SPAG16: variants seen among roughly 807,000 people sequenced by gnomAD.
SPAG16 encodes the protein sperm-associated antigen 16 protein.
SPAG16 carries 86 observed loss-of-function variants against 80.4 expected under a neutral mutation model. The ratio of observed to expected loss-of-function variants is 1.07; its 90% CI spans 0.90 to 1.28. SPAG16 has a LOEUF of 1.28. Among genes scored for constraint, SPAG16 ranks in the 50% most tolerant of loss-of-function variants. The pLI is 0.00. For synonymous variants in SPAG16, 294 were observed against 265.9 expected (o/e 1.11, Z -1.03); for missense variants, 870 against 765.3 (o/e 1.14, Z -1.61).
At chr2:214,079,658 G>A (rs538326847) in intron 13 of SPAG16, among the ~76,000 whole-genome samples, 4 of 152,132 alleles carry the variant, frequency 2.6e-5, no homozygotes, top group Admixed American at 1.3e-4. Flanking sequence ...GTTTTCTACC[G>A]GCAAGATGAA....
intron 11 of SPAG16, 40 bp from the exon 12 acceptor site, chr2:213,929,920 A>G: frequency 6.4e-7 from 1 of 1,572,508 alleles, no homozygotes; most frequent in Non-Finnish European, 8.7e-7. Context: ...AAATTATGTT[A>G]CTTTTTAAAC....
At chr2:214,108,483 C>CCA (rs1553719355) in intron 14 of SPAG16, among the ~76,000 whole-genome samples, 3,702 of 127,206 alleles carry the variant, frequency 0.029, 68 homozygotes, top group South Asian at 0.041. Flanking sequence ...ACACACACCC[C>CCA]CACACACACC....
intron 10 of SPAG16, among the ~76,000 whole-genome samples, chr2:213,733,132 G>C (rs1466926482): frequency 2.0e-5 from 3 of 152,006 alleles, no homozygotes; most frequent in Non-Finnish European, 2.9e-5. Context: ...GCTCACTGAT[G>C]TTGAGCTGTT....
intron 12 of SPAG16, among the ~76,000 whole-genome samples, chr2:213,986,411 T>TATAA (rs1271969123): frequency 6.6e-6 from 1 of 152,094 alleles, no homozygotes; most frequent in Non-Finnish European, 1.5e-5. Context: ...TCAATATAAA[T>TATAA]ATTTGTTTAA....
intron 15 of SPAG16, among the ~76,000 whole-genome samples, chr2:214,155,182 A>T (rs2056158658): frequency 1.3e-5 from 2 of 152,180 alleles, no homozygotes; most frequent in Non-Finnish European, 2.9e-5. Context: ...TCCAGTCTTC[A>T]GCTGGCTAAG....
chr2:214,327,578 T>C (rs1696579253), intron 15 of SPAG16, among the ~76,000 whole-genome samples: 1 of 152,216 alleles, frequency 6.6e-6, no homozygotes, highest in African/African-American at 2.4e-5. Context: ...ACTAAGATAA[T>C]TTAACTGCCT....
At chr2:213,905,274 C>G (rs2077388301) in intron 11 of SPAG16, among the ~76,000 whole-genome samples, 1 of 152,148 alleles carries the variant, frequency 6.6e-6, no homozygotes, top group African/African-American at 2.4e-5. Flanking sequence ...TGGGGATATG[C>G]TATTTCTCAA....
At chr2:213,459,948 T>G (rs1441982535) in intron 9 of SPAG16, among the ~76,000 whole-genome samples, 2 of 152,146 alleles carry the variant, frequency 1.3e-5, no homozygotes, top group Non-Finnish European at 2.9e-5. Context: ...TGTGTAGATT[T>G]TACCCCCACT....
chr2:213,605,933 A>G (rs1011740504), intron 10 of SPAG16, among the ~76,000 whole-genome samples: 2 of 152,234 alleles, frequency 1.3e-5, no homozygotes, highest in African/African-American at 4.8e-5. Flanking sequence ...TAGACCATTT[A>G]CACCATACTG....
intron 10 of SPAG16, among the ~76,000 whole-genome samples, chr2:213,844,680 G>C (rs1196518263): frequency 6.6e-6 from 1 of 152,092 alleles, no homozygotes; most frequent in East Asian, 1.9e-4. Context: ...AAGGTGTAGG[G>C]TCTAAGGAGC....
intron 13 of SPAG16, among the ~76,000 whole-genome samples, chr2:214,046,900 C>T (rs995055573): frequency 8.3e-5 from 8 of 96,358 alleles, no homozygotes; most frequent in African/African-American, 3.4e-4. Context: ...CAAAAGTAAA[C>T]AATCTGAAAA....
chr2:213,661,091 C>A (rs1331399881), intron 10 of SPAG16, among the ~76,000 whole-genome samples: 1 of 152,188 alleles, frequency 6.6e-6, no homozygotes, highest in Non-Finnish European at 1.5e-5. Flanking sequence ...AGCCTTGGTC[C>A]ATGGTGGTGC....
intron 9 of SPAG16, among the ~76,000 whole-genome samples, chr2:213,425,026 G>A (rs1348076045): frequency 1.3e-5 from 2 of 152,186 alleles, no homozygotes; most frequent in East Asian, 1.9e-4. Context: ...GAGTATATAT[G>A]AATGTGTGGC....
chr2:213,435,239 TTAAG>T (rs2070554569), intron 9 of SPAG16, among the ~76,000 whole-genome samples: 2 of 152,222 alleles, frequency 1.3e-5, no homozygotes, highest in African/African-American at 4.8e-5. Flanking sequence ...TGTCATTGTC[TTAAG>T]TGAATTGCAG....
intron 13 of SPAG16, among the ~76,000 whole-genome samples, chr2:214,069,891 T>A (rs939822799): frequency 6.6e-6 from 1 of 152,146 alleles, no homozygotes; most frequent in South Asian, 2.1e-4. Context: ...GTTCTTTATA[T>A]CAACCAAGGC....
chr2:213,910,103 T>C (rs933078765), intron 11 of SPAG16, among the ~76,000 whole-genome samples: 1 of 152,242 alleles, frequency 6.6e-6, no homozygotes, highest in African/African-American at 2.4e-5. Context: ...ATTTTGGTTG[T>C]ATGTAATTCT....
At chr2:214,063,398 G>T (rs1559750388) in intron 13 of SPAG16, among the ~76,000 whole-genome samples, 2 of 152,164 alleles carry the variant, frequency 1.3e-5, no homozygotes, top group East Asian at 3.9e-4. Flanking sequence ...CAAGGTGCTG[G>T]TGAAGGCTTC....
intron 10 of SPAG16, among the ~76,000 whole-genome samples, chr2:213,710,284 T>TA (rs879808085): frequency 1.0e-3 from 142 of 138,222 alleles, no homozygotes; most frequent in African/African-American, 9.3e-4. Context: ...AATCTGTCTT[T>TA]AAAAAAAAAA....
chr2:213,983,256 GAAAATTTCATGTTTTACCTT>G (rs2045854142), intron 12 of SPAG16, among the ~76,000 whole-genome samples: 3 of 151,808 alleles, frequency 2.0e-5, no homozygotes, highest in African/African-American at 7.2e-5. Flanking sequence ...CAGGTCATTT[GAAAATTTCATGTTTTACCTT>G]AAAATAAGAG....
Sources: gnomAD v4.1 joint callset for allele counts (sites outside exome capture counted in the v4.1 genomes callset) on GRCh38, gnomAD v4.1.1 for gene constraint, MANE v1.5 for transcripts, NCBI Gene and HGNC (gene_info 2026-07-23, HGNC 2026-07-21) for gene names.